The following NKTR variants were observed in gnomAD, a reference collection of about 807,000 sequenced individuals.
NKTR encodes natural killer cell triggering receptor.
In NKTR, 67 loss-of-function variants were observed where a neutral mutation model predicts 156.3. The ratio of observed to expected loss-of-function variants is 0.43; its 90% CI spans 0.35 to 0.53. NKTR has a LOEUF of 0.53. NKTR is among the 20% of genes least tolerant of loss of function. The pLI is 0.01. For missense variants in NKTR, 1,604 were observed against 1,730.9 expected (o/e 0.93, Z 1.30); for synonymous variants, 640 against 596.6 (o/e 1.07, Z -1.06).
rs185454655 is a variant in NKTR, at chr3:42,619,171, T to C, written c.241+44T>C. The C allele has an allele frequency of 1.9e-5, 30 of 1,580,314 alleles. No individual in the cohort carries two copies. In the Admixed American group the frequency reaches 4.6e-4, roughly 24 times the overall value. On this transcript the variant is annotated intron_variant, in intron 4 of 16. Coordinates refer to ENST00000232978, the MANE Select transcript of NKTR (RefSeq NM_005385.4). The stretch of plus-strand genomic sequence containing the variant: ...TTCCTAATAACTCCATCTATCAGTT[T>C]TTAAAGTATTTCATTATTACTTTTA...
rs1199360156 is a variant in NKTR at position 42,621,495 on chromosome 3, C to G, written c.353C>G (p.Thr118Ser). ...TCAATGGCAAATCGAGGGAAACATA[C>G]CAATGGTTCCCAGTTTTTCATGTGA... ...LLSMANRGKH[T>S]NGSQFFITTK... Residue 118 changes from threonine to serine, a missense_variant, in exon 6 of 17, where the codon ACC (threonine) becomes AGC (serine). Physicochemically the swap from Thr to Ser is moderately conservative, Grantham distance 58. Around this residue, in one of 6 missense-constraint regions of NKTR, gnomAD observed 61 missense variants for 113.3 expected, o/e 0.54. Coordinates refer to ENST00000232978, the MANE Select transcript of NKTR (RefSeq NM_005385.4). 3.1e-6 allele frequency: 5 copies of G among 1,607,660 alleles called. No individual in the cohort carries two copies. The highest frequency in any genetic ancestry group is 4.3e-6 in the Non-Finnish European group (5 of 1,176,310).
Position 42,639,078 on chromosome 3 carries a change from C to A in NKTR, c.3374C>A (p.Thr1125Lys). 6.2e-7 allele frequency: 1 copy of A among 1,614,034 alleles called. No homozygotes were observed. Among genetic ancestry groups the A allele is most frequent in the Non-Finnish European group, 8.5e-7 (1 of 1,179,998 alleles). The change falls in exon 13 of 17, where the codon ACA becomes AAA. Residue 1125 changes from threonine to lysine, a missense_variant. Thr to Lys is a moderately conservative substitution (Grantham distance 78). Transcript: ENST00000232978. ...AATGGAGTGGAAGATGTGCTTCAAA[C>A]AGATGACAACATGGAGATCTGCACT... Reference protein sequence around the residue: ...VPNGVEDVLQTDDNMEICTPD... With the variant: ...VPNGVEDVLQKDDNMEICTPD...
chr3:42,641,572 C>T (rs770841252), intron 13 of NKTR, among the ~76,000 whole-genome samples: 2 of 152,056 alleles, frequency 1.3e-5, no homozygotes, highest in Admixed American at 6.6e-5. Flanking sequence ...ATGTACCTGC[C>T]ATCTAGCTTA....
intron 5 of NKTR, chr3:42,620,096 T>A (rs1415728179): frequency 6.6e-7 from 1 of 1,523,570 alleles, no homozygotes; most frequent in East Asian, 2.5e-5. Flanking sequence ...CCTTGCACCC[T>A]TCCTAATAAA....
At chr3:42,635,641 C>T (rs932818203) in intron 12 of NKTR, among the ~76,000 whole-genome samples, 4 of 152,098 alleles carry the variant, frequency 2.6e-5, no homozygotes, top group Non-Finnish European at 4.4e-5. Flanking sequence ...ACTTAGAGGC[C>T]GGGCGTGGTG....
At chr3:42,627,266 C>T (rs1429585766) in intron 6 of NKTR, 1 of 984,766 alleles carries the variant, frequency 1.0e-6, no homozygotes, top group African/African-American at 1.8e-5. Context: ...CTCTCTTTGC[C>T]TTTATCTCTT....
intron 2 of NKTR, 30 bp downstream of exon 2, chr3:42,601,094 G>T (rs933434077): frequency 1.3e-6 from 2 of 1,532,514 alleles, no homozygotes; most frequent in Non-Finnish European, 1.8e-6. Context: ...GCGCTGCTGG[G>T]GCCGAGGCCT....
chr3:42,643,649 G>T (rs1207095804), intron 15 of NKTR: 2 of 648,704 alleles, frequency 3.1e-6, no homozygotes, highest in Admixed American at 2.5e-5. Flanking sequence ...GATCCACCAG[G>T]TTCAAACTAA....
At chr3:42,624,212 C>T (rs1196204477) in intron 6 of NKTR, among the ~76,000 whole-genome samples, 1 of 149,868 alleles carries the variant, frequency 6.7e-6, no homozygotes, top group Non-Finnish European at 1.5e-5. Flanking sequence ...AACTTTATTT[C>T]TAGTACTGTA....
At chr3:42,616,108 C>A (rs1360834318) in intron 2 of NKTR, among the ~76,000 whole-genome samples, 1 of 152,188 alleles carries the variant, frequency 6.6e-6, no homozygotes, top group East Asian at 1.9e-4. Context: ...TCATTGTTTC[C>A]TCCTCACAGG....
At position 42,648,260 on chromosome 3, in the gene NKTR, G is replaced by C. The variant is rs985425397; in HGVS notation, c.*2285G>C. 1 of 152,164 alleles carries C rather than the reference G, an allele frequency of 6.6e-6. No individual in the cohort carries two copies. Among genetic ancestry groups the C allele is most frequent in the Non-Finnish European group, 1.5e-5 (1 of 68,038 alleles). 9.4% of individuals were successfully genotyped at this position (152,164 alleles called of 1,614,324 possible). ...CTGTCTCATCTCATCATATTCACGG[G>C]TTCTGGAGATTAGCTCATTGAAAGT... is the stretch of plus-strand genomic sequence containing the variant. On this transcript the variant is annotated 3_prime_UTR_variant, in exon 17 of 17. Transcript: ENST00000232978.
intron 6 of NKTR, chr3:42,628,836 T>A (rs1472892632): frequency 1.3e-5 from 4 of 310,586 alleles, no homozygotes; most frequent in Non-Finnish European, 1.9e-5. Context: ...ACCCCGTCTC[T>A]ACTAAAATTA....
intron 2 of NKTR, among the ~76,000 whole-genome samples, chr3:42,608,051 G>A (rs558278437): frequency 3.2e-5 from 4 of 126,052 alleles, no homozygotes; most frequent in South Asian, 2.6e-4. Context: ...GTGCAATGGC[G>A]CGATCTCAGC....
chr3:42,630,327 A>C (rs557940061), intron 6 of NKTR: 1 of 1,379,838 alleles, frequency 7.2e-7, no homozygotes, highest in South Asian at 1.8e-5. Flanking sequence ...AATAGAGATG[A>C]TTGTAATTCA....
At position 42,637,456 on chromosome 3, in the gene NKTR, T is replaced by A; in HGVS notation, c.1752T>A (p.Pro584=). 1 of 1,613,226 alleles carries A rather than the reference T, an allele frequency of 6.2e-7. No homozygotes were observed. Among genetic ancestry groups the A allele is most frequent in the Non-Finnish European group, 8.5e-7 (1 of 1,179,776 alleles). ...LSENKPVKTE[P]LRATMAQNEN... ...AAAATAAACCAGTTAAAACAGAACC[T>A]TTAAGAGCAACCATGGCACAAAATG... The change falls in exon 13 of 17, where the codon CCT becomes CCA. Residue 584 remains proline, a synonymous_variant. Coordinates refer to ENST00000232978, the MANE Select transcript of NKTR (RefSeq NM_005385.4).
At chr3:42,643,510 T>C in intron 15 of NKTR, 115 bp downstream of exon 15, 1 of 840,060 alleles carries the variant, frequency 1.2e-6, no homozygotes, top group East Asian at 2.5e-5. Context: ...ATTTGTCTCC[T>C]GAAACCATAC....
At chr3:42,614,738 A>G (rs982226994) in intron 2 of NKTR, among the ~76,000 whole-genome samples, 1 of 152,186 alleles carries the variant, frequency 6.6e-6, no homozygotes, top group African/African-American at 2.4e-5. Context: ...AACCCTTCAA[A>G]TTGCATATAT....
intron 2 of NKTR, among the ~76,000 whole-genome samples, chr3:42,612,049 A>T (rs1345444413): frequency 6.6e-6 from 1 of 152,242 alleles, no homozygotes; most frequent in Non-Finnish European, 1.5e-5. Flanking sequence ...TGCAGTGAGC[A>T]GAGGTTGTGC....
chr3:42,617,463 G>T, intron 2 of NKTR, 107 bp from the exon 3 acceptor site: 1 of 602,442 alleles, frequency 1.7e-6, no homozygotes, highest in Non-Finnish European at 3.0e-6. Context: ...AAATTAAAAT[G>T]AATTACAAAA....
Sources: allele counts gnomAD v4.1 joint callset (sites outside exome capture counted in the v4.1 genomes callset), GRCh38; gene constraint gnomAD v4.1.1; regional missense constraint gnomAD v4.1.1; transcripts MANE v1.5; gene names NCBI Gene and HGNC (gene_info 2026-07-23, HGNC 2026-07-21).